BANK1: variants seen among roughly 807,000 people sequenced by gnomAD.
BANK1 encodes the protein B-cell scaffold protein with ankyrin repeats.
Under a neutral mutation model 94.5 loss-of-function variants are expected in BANK1, and 95 were observed. The ratio of observed to expected loss-of-function variants is 1.00; its 90% confidence interval spans 0.85 to 1.19. The LOEUF is 1.19. Ranked by LOEUF, BANK1 falls within the 50% of genes most tolerant of loss-of-function variation. The pLI is 0.00. For synonymous variants in BANK1, 334 were observed against 308.4 expected (o/e 1.08, Z -0.87); for missense variants, 987 against 932.2 (o/e 1.06, Z -0.77).
chr4:101,830,968 G>A (rs1171390260), intron 2 of BANK1, among the ~76,000 whole-genome samples: 1 of 152,128 alleles, frequency 6.6e-6, no homozygotes, highest in Non-Finnish European at 1.5e-5. Context: ...TATTCGCTGG[G>A]AATGTCTCTC....
chr4:102,074,137 T>C lies in BANK1; in HGVS notation c.*138T>C, dbSNP rs1191358798. On this transcript the variant is annotated 3_prime_UTR_variant, in exon 17 of 17. Transcript: ENST00000322953. ...AGAAACAAAACTTCAGATTTCAGAA[T>C]TTGTTATTGGCAAAATTTATTCTCA... 1 of 163,584 alleles carries C rather than the reference T, an allele frequency of 6.1e-6. No homozygotes were observed. The highest frequency in any genetic ancestry group is 1.3e-5 in the Non-Finnish European group (1 of 75,932). The allele number at this position is 163,584 out of a possible 1,614,324, so 10.1% of individuals were successfully genotyped here.
chr4:101,858,177 C>T (rs1379159601), intron 3 of BANK1, among the ~76,000 whole-genome samples: 1 of 152,180 alleles, frequency 6.6e-6, no homozygotes, highest in African/African-American at 2.4e-5. Context: ...AAGTGGCTCT[C>T]CACTGCAGGT....
At chr4:101,910,490 T>C (rs1456507824) in intron 6 of BANK1, among the ~76,000 whole-genome samples, 1 of 151,990 alleles carries the variant, frequency 6.6e-6, no homozygotes, top group Non-Finnish European at 1.5e-5. Flanking sequence ...GAGACCAGCC[T>C]GACCAACATG....
intron 1 of BANK1, among the ~76,000 whole-genome samples, chr4:101,814,556 C>T (rs539053528): frequency 1.9e-4 from 29 of 152,200 alleles, no homozygotes; most frequent in African/African-American, 7.0e-4. Context: ...ATGCTTTATC[C>T]GTTGAGAACC....
intron 7 of BANK1, among the ~76,000 whole-genome samples, chr4:101,943,864 C>T (rs1049317369): frequency 1.3e-5 from 2 of 151,754 alleles, no homozygotes; most frequent in East Asian, 1.9e-4. Context: ...TACTACTTGA[C>T]GGTTTTTATT....
chr4:102,015,690 C>T lies in BANK1; in HGVS notation c.1207-5824C>T, dbSNP rs533343670. Among the ~76,000 whole-genome samples the T allele has an allele frequency of 7.2e-5, 11 of 152,196 alleles. No homozygotes were observed. The East Asian group carries it at 2.1e-3, about 29-fold the overall frequency. ...GCAGAAACTTACATGCCATGTTTGACCCCTTTCCTCCAGCCTTTGGCATCA... is the reference window on the plus strand; with the variant it reads ...GCAGAAACTTACATGCCATGTTTGATCCCTTTCCTCCAGCCTTTGGCATCA... On this transcript the variant is annotated intron_variant, in intron 7 of 16. Coordinates refer to ENST00000322953, the MANE Select transcript of BANK1 (RefSeq NM_017935.5).
intron 1 of BANK1, among the ~76,000 whole-genome samples, chr4:101,824,981 A>G (rs1726309830): frequency 6.6e-6 from 1 of 152,186 alleles, no homozygotes; most frequent in Admixed American, 6.5e-5. Flanking sequence ...CATTTGTTAT[A>G]GTGTATTTAA....
intron 7 of BANK1, among the ~76,000 whole-genome samples, chr4:101,920,381 C>T: frequency 6.6e-6 from 1 of 151,840 alleles, no homozygotes; most frequent in Non-Finnish European, 1.5e-5. Context: ...AAAAAAGACA[C>T]TATCTATTCT....
intron 6 of BANK1, among the ~76,000 whole-genome samples, chr4:101,903,924 A>G (rs1253142987): frequency 6.6e-6 from 1 of 152,218 alleles, no homozygotes; most frequent in Non-Finnish European, 1.5e-5. Flanking sequence ...TGACCAAAAC[A>G]TTGGAGTAAA....
intron 7 of BANK1, among the ~76,000 whole-genome samples, chr4:101,960,351 C>T (rs538648232): frequency 3.3e-5 from 5 of 151,872 alleles, no homozygotes; most frequent in East Asian, 1.9e-4. Flanking sequence ...AAATTGATAA[C>T]GTAAGATTAA....
intron 7 of BANK1, among the ~76,000 whole-genome samples, chr4:101,980,275 A>G (rs542489071): frequency 5.3e-5 from 8 of 151,826 alleles, no homozygotes; most frequent in African/African-American, 2.4e-5. Context: ...TAACATTTAA[A>G]TCGTTTATCC....
At chr4:101,910,694 G>GAAA (rs1159879652) in intron 6 of BANK1, among the ~76,000 whole-genome samples, 2 of 67,702 alleles carry the variant, frequency 3.0e-5, no homozygotes, top group African/African-American at 5.8e-5. Context: ...ACTCCGTCTC[G>GAAA]AAAAAAAAAA....
chr4:102,018,027 T>G (rs1057006733), intron 7 of BANK1, among the ~76,000 whole-genome samples: 1 of 152,174 alleles, frequency 6.6e-6, no homozygotes, highest in African/African-American at 2.4e-5. Context: ...TTAGGTCATA[T>G]CCATAGATAG....
At chr4:101,934,418 A>T (rs777835648) in intron 7 of BANK1, among the ~76,000 whole-genome samples, 9 of 151,358 alleles carry the variant, frequency 5.9e-5, no homozygotes, top group Non-Finnish European at 1.3e-4. Flanking sequence ...GGAAATGATG[A>T]CTGTGGTCAC....
At chr4:101,860,422 C>CT (rs11324375) in intron 3 of BANK1, among the ~76,000 whole-genome samples, 11 of 150,214 alleles carry the variant, frequency 7.3e-5, no homozygotes, top group African/African-American at 1.2e-4. Flanking sequence ...TCCTGACTTT[C>CT]TTTTTTTTTT....
At chr4:102,043,680 A>T (rs1727777632) in intron 10 of BANK1, among the ~76,000 whole-genome samples, 159 bp from the exon 11 acceptor site, 1 of 152,094 alleles carries the variant, frequency 6.6e-6, no homozygotes, top group Non-Finnish European at 1.5e-5. Context: ...CAAATGAGAA[A>T]ATTGTAAATT....
chr4:101,843,252 G>A (rs1727126271), intron 2 of BANK1, among the ~76,000 whole-genome samples: 1 of 151,996 alleles, frequency 6.6e-6, no homozygotes, highest in African/African-American at 2.4e-5. Context: ...TTCCTTATCA[G>A]TATTACTTCC....
chr4:101,965,368 A>G (rs562071270), intron 7 of BANK1, among the ~76,000 whole-genome samples: 1 of 151,958 alleles, frequency 6.6e-6, no homozygotes, highest in Non-Finnish European at 1.5e-5. Flanking sequence ...ACACAAAACT[A>G]GTATACAAAC....
At chr4:101,987,366 G>C (rs972232613) in intron 7 of BANK1, among the ~76,000 whole-genome samples, 1 of 152,118 alleles carries the variant, frequency 6.6e-6, no homozygotes, top group African/African-American at 2.4e-5. Context: ...TGAGGAAACT[G>C]AGTCACAGAG....
Sources: gnomAD v4.1 joint callset for allele counts (sites outside exome capture counted in the v4.1 genomes callset) on GRCh38, gnomAD v4.1.1 for gene constraint, MANE v1.5 for transcripts, NCBI Gene and HGNC (gene_info 2026-07-23, HGNC 2026-07-21) for gene names.